ATP10A: variants seen among roughly 807,000 people sequenced by gnomAD.
The protein encoded by ATP10A is ATPase phospholipid transporting 10A (putative).
A neutral mutation model predicts 147.8 loss-of-function variants in ATP10A; 111 were observed. That is an observed-to-expected ratio of 0.75 (90% CI 0.64 to 0.88). The LOEUF (loss-of-function observed/expected upper bound fraction) is 0.88. Among genes scored for constraint, ATP10A ranks in the 40% least tolerant of loss-of-function variants. ATP10A has a pLI of 0.00. For missense variants in ATP10A, 1,927 were observed against 1,959.0 expected, an observed-to-expected ratio of 0.98 and a Z score of 0.31; for synonymous variants, 875 against 841.6, an observed-to-expected ratio of 1.04 and a Z score of -0.69.
intron 6 of ATP10A, among the ~76,000 whole-genome samples, chr15:25,722,732 C>T (rs4906627): frequency 0.89 from 134,641 of 152,132 alleles, 60,384 homozygotes; most frequent in East Asian, 0.99. Context: ...AGCACATATA[C>T]GAGACAGCAA....
At chr15:25,736,254 A>G in intron 2 of ATP10A, 113 bp from the exon 3 acceptor site, 1 of 781,096 alleles carries the variant, frequency 1.3e-6, no homozygotes, top group Non-Finnish European at 2.2e-6. Flanking sequence ...CGGGGGAAGA[A>G]CTCTGCCTAT....
chr15:25,713,937 T>C lies in ATP10A; in HGVS notation c.2081A>G (p.Glu694Gly). 6.2e-7 allele frequency: 1 copy of C among 1,611,746 alleles called. No individual in the cohort carries two copies. Among genetic ancestry groups the C allele is most frequent in the Non-Finnish European group, 8.5e-7 (1 of 1,180,018 alleles). Residue 694 changes from glutamate (E) to glycine (G), a missense_variant, in exon 10 of 21, where the codon GAG becomes GGG. Transcript: ENST00000555815. ...TGCGGCCTCATCCGGGCTCTCCGCC[T>C]CGTACCGCAGCTCGCGCTCTGACTC... ...EQESERELRY[E>G]AESPDEAALV...
upstream of ATP10A, chr15:25,863,513 G>A (rs756072261): frequency 6.6e-6 from 1 of 152,300 alleles, no homozygotes; most frequent in African/African-American, 2.4e-5. Flanking sequence ...AGAAGCATCA[G>A]TTCGGTCCCA....
rs984370550 is a variant in ATP10A, at chr15:25,789,181, C to T, written c.450-7958G>A. On this transcript the variant is annotated intron_variant, in intron 1 of 20. Transcript: ENST00000555815. ...TTCACCATGTTGCCCAGACTGGTCTCGAACTCCTGGGCTCAAATATCCACC... is the reference window on the plus strand; with the variant it reads ...TTCACCATGTTGCCCAGACTGGTCTTGAACTCCTGGGCTCAAATATCCACC... Among the ~76,000 whole-genome samples, 3 of 152,242 alleles carry T rather than the reference C, an allele frequency of 2.0e-5. No individual in the cohort carries two copies. The East Asian group carries it at 5.8e-4, about 29-fold the overall frequency.
intron 16 of ATP10A, 46 bp from the exon 17 acceptor site, chr15:25,683,532 T>C: frequency 6.5e-7 from 1 of 1,544,648 alleles, no homozygotes; most frequent in Admixed American, 1.9e-5. Context: ...TCTTCAGCCA[T>C]TGCTGAGGAT....
At position 25,856,762 on chromosome 15, in the gene ATP10A, G is replaced by GACA. The variant is rs759934046; in HGVS notation, c.449+5883_449+5885dup. On this transcript the variant is annotated intron_variant, in intron 1 of 20. Transcript: ENST00000555815. ...CTAGGAATGTGGAGACCAAAACAAC[G>GACA]ACAACAACAACAACAACAACAAAAA... Among the ~76,000 whole-genome samples the GACA allele has an allele frequency of 1.1e-4, 17 of 151,746 alleles. No individual in the cohort carries two copies. In the East Asian group the frequency reaches 1.7e-3, roughly 16 times the overall value.
chr15:25,736,288 A>G (rs1270265393), intron 2 of ATP10A, 147 bp from the exon 3 acceptor site: 6 of 675,282 alleles, frequency 8.9e-6, no homozygotes, highest in Non-Finnish European at 1.6e-5. Flanking sequence ...AAGCCAAAGC[A>G]ACGCCTTCTC....
At chr15:25,703,579 A>C (rs979116716) in intron 12 of ATP10A, among the ~76,000 whole-genome samples, 2 of 152,186 alleles carry the variant, frequency 1.3e-5, no homozygotes, top group African/African-American at 4.8e-5. Flanking sequence ...AGCAGAACAA[A>C]CGAACTAAGC....
intron 1 of ATP10A, among the ~76,000 whole-genome samples, chr15:25,791,615 G>C (rs988040891): frequency 8.6e-5 from 13 of 151,484 alleles, no homozygotes; most frequent in Admixed American, 2.0e-4. Flanking sequence ...TCAAACTCCT[G>C]GGCTCCAGCA....
chr15:25,843,845 C>T (rs1020978536), intron 1 of ATP10A, among the ~76,000 whole-genome samples: 3 of 152,188 alleles, frequency 2.0e-5, no homozygotes, highest in African/African-American at 7.2e-5. Context: ...TTCCGGTTAA[C>T]ACAAGAAACT....
chr15:25,738,754 T>C (rs1328337669), intron 2 of ATP10A: 3 of 152,222 alleles, frequency 2.0e-5, no homozygotes, highest in Non-Finnish European at 4.4e-5. Flanking sequence ...ATTCTGATCG[T>C]CATCACCATC....
At chr15:25,760,910 T>C (rs1888725977) in intron 2 of ATP10A, among the ~76,000 whole-genome samples, 2 of 152,336 alleles carry the variant, frequency 1.3e-5, no homozygotes, top group South Asian at 2.1e-4. Flanking sequence ...TCTGGATTTA[T>C]CTAAGAGATG....
At chr15:25,823,401 T>C (rs1343644022) in intron 1 of ATP10A, among the ~76,000 whole-genome samples, 3 of 152,188 alleles carry the variant, frequency 2.0e-5, no homozygotes, top group African/African-American at 7.2e-5. Flanking sequence ...GAGGATAAAA[T>C]TGAGACCAGA....
rs1459649156 is a variant in ATP10A at position 25,753,776 on chromosome 15, A to T, written c.655-17635T>A. On this transcript the variant is annotated intron_variant, in intron 2 of 20. Transcript: ENST00000555815. ...TATCATATATAGTTATATATATGAT[A>T]TATGTTATATATATATATTTTAAAG... is the stretch of plus-strand genomic sequence containing the variant. 2.7e-5 allele frequency among the ~76,000 whole-genome samples: 4 copies of T among 148,504 alleles called. No individual in the cohort carries two copies. The East Asian group carries it at 7.8e-4, about 29-fold the overall frequency.
chr15:25,800,926 G>A (rs1890908039), intron 1 of ATP10A, among the ~76,000 whole-genome samples: 1 of 152,168 alleles, frequency 6.6e-6, no homozygotes, highest in Admixed American at 6.5e-5. Context: ...TCTTCCTGGT[G>A]TTTGATGAAC....
intron 2 of ATP10A, among the ~76,000 whole-genome samples, chr15:25,741,914 A>C (rs1345787292): frequency 6.6e-6 from 1 of 152,262 alleles, no homozygotes; most frequent in African/African-American, 2.4e-5. Flanking sequence ...CGAACGTACA[A>C]GGAAACTTAA....
chr15:25,768,571 T>TG (rs1889155247), intron 2 of ATP10A, among the ~76,000 whole-genome samples: 1 of 148,662 alleles, frequency 6.7e-6, no homozygotes, highest in Non-Finnish European at 1.5e-5. Context: ...TGAGACAGGG[T>TG]ATCACTCTGT....
chr15:25,842,440 T>C (rs1892849868), intron 1 of ATP10A, among the ~76,000 whole-genome samples: 1 of 152,146 alleles, frequency 6.6e-6, no homozygotes, highest in South Asian at 2.1e-4. Context: ...AATTATTTAC[T>C]TGTAATCACG....
intron 1 of ATP10A, among the ~76,000 whole-genome samples, chr15:25,833,744 G>A (rs1156596123): frequency 6.6e-6 from 1 of 152,222 alleles, no homozygotes; most frequent in Admixed American, 6.5e-5. Context: ...ACTTTGGGAG[G>A]CTGAGGCGGA....
Sources: allele counts gnomAD v4.1 joint callset (sites outside exome capture counted in the v4.1 genomes callset), GRCh38; gene constraint gnomAD v4.1.1; transcripts MANE v1.5; gene names NCBI Gene and HGNC (gene_info 2026-07-23, HGNC 2026-07-21).